ADGRV1: variants seen among roughly 807,000 people sequenced by gnomAD.
The protein encoded by ADGRV1 is adhesion G protein-coupled receptor V1, also known as G-protein coupled receptor 98.
A neutral mutation model predicts 596.2 loss-of-function variants in ADGRV1; 359 were observed. The ratio of observed to expected loss-of-function variants is 0.60; its 90% confidence interval spans 0.55 to 0.66. The LOEUF (loss-of-function observed/expected upper bound fraction) is 0.66. Among genes scored for constraint, ADGRV1 ranks in the 30% least tolerant of loss-of-function variants. ADGRV1 has a pLI of 0.00. For synonymous variants in ADGRV1, 2,681 were observed against 2,679.2 expected (o/e 1.00, Z -0.02); for missense variants, 7,274 against 7,575.6 (o/e 0.96, Z 1.48).
At chr5:91,014,469 C>T (rs891701446) in intron 85 of ADGRV1, among the ~76,000 whole-genome samples, 1 of 151,852 alleles carries the variant, frequency 6.6e-6, no homozygotes, top group African/African-American at 2.4e-5. Flanking sequence ...CTTCTTTGTA[C>T]ATCTGGTAGA....
intron 83 of ADGRV1, among the ~76,000 whole-genome samples, chr5:90,864,274 A>G (rs779713925): frequency 1.3e-5 from 2 of 152,190 alleles, no homozygotes; most frequent in Non-Finnish European, 2.9e-5. Context: ...GTTTCTTATA[A>G]TAGTTTGATA....
intron 87 of ADGRV1, among the ~76,000 whole-genome samples, chr5:91,127,640 A>G (rs1793881016): frequency 6.6e-6 from 1 of 152,196 alleles, no homozygotes; most frequent in South Asian, 2.1e-4. Context: ...AGCTGGATAA[A>G]CAGTCCATAT....
chr5:90,679,821 A>C (rs1163801942), intron 26 of ADGRV1, among the ~76,000 whole-genome samples, 192 bp downstream of exon 26: 1 of 152,160 alleles, frequency 6.6e-6, no homozygotes, highest in Non-Finnish European at 1.5e-5. Context: ...GTAAGGGATC[A>C]AGTCAGAATC....
chr5:91,084,675 T>G (rs555707259), intron 86 of ADGRV1, among the ~76,000 whole-genome samples: 23 of 152,280 alleles, frequency 1.5e-4, no homozygotes, highest in African/African-American at 4.6e-4. Context: ...GTGTGGTGAT[T>G]CCTCAAGGAT....
At chr5:90,615,643 A>G (rs1763271172) in intron 2 of ADGRV1, among the ~76,000 whole-genome samples, 1 of 151,932 alleles carries the variant, frequency 6.6e-6, no homozygotes, top group Admixed American at 6.6e-5. Context: ...GCAAAAATAA[A>G]ATCTTAAGAA....
intron 1 of ADGRV1, among the ~76,000 whole-genome samples, chr5:90,568,831 T>G (rs1323743409): frequency 6.6e-6 from 1 of 152,226 alleles, no homozygotes; most frequent in Non-Finnish European, 1.5e-5. Context: ...GTTACATCTT[T>G]CTGATAAATT....
intron 83 of ADGRV1, among the ~76,000 whole-genome samples, chr5:90,936,801 T>C (rs1213877308): frequency 6.6e-6 from 1 of 152,136 alleles, no homozygotes; most frequent in Non-Finnish European, 1.5e-5. Context: ...TAGAAGTGCA[T>C]TTAAAATTTC....
At chr5:90,863,611 A>C in intron 82 of ADGRV1, 146 bp from the exon 83 acceptor site, 1 of 661,964 alleles carries the variant, frequency 1.5e-6, no homozygotes, top group Admixed American at 2.2e-5. Context: ...AGTAGATTAC[A>C]ATTGCCATGT....
intron 85 of ADGRV1, among the ~76,000 whole-genome samples, chr5:91,053,800 G>A (rs772309153): frequency 6.6e-5 from 10 of 152,192 alleles, no homozygotes; most frequent in Admixed American, 1.3e-4. Flanking sequence ...ACTGCATAGT[G>A]TGAGCCTCTT....
intron 85 of ADGRV1, among the ~76,000 whole-genome samples, chr5:91,011,776 A>G (rs902429933): frequency 6.6e-6 from 1 of 151,946 alleles, no homozygotes; most frequent in African/African-American, 2.4e-5. Flanking sequence ...AAGCAATGCT[A>G]ACAGAAATGG....
At chr5:90,668,341 G>A (rs1314196535) in intron 21 of ADGRV1, among the ~76,000 whole-genome samples, 1 of 152,202 alleles carries the variant, frequency 6.6e-6, no homozygotes, top group Non-Finnish European at 1.5e-5. Flanking sequence ...CGTCGGAAAA[G>A]TGCAGTATTC....
chr5:90,637,265 C>T (rs1766333410), intron 10 of ADGRV1, among the ~76,000 whole-genome samples: 1 of 151,536 alleles, frequency 6.6e-6, no homozygotes, highest in African/African-American at 2.4e-5. Context: ...TTAATTTTAC[C>T]CCCATCACTT....
At chr5:90,959,887 C>T in intron 83 of ADGRV1, among the ~76,000 whole-genome samples, 1 of 152,168 alleles carries the variant, frequency 6.6e-6, no homozygotes, top group Middle Eastern at 3.4e-3. Context: ...CGCCTGTAAT[C>T]CCAGCACTTT....
intron 87 of ADGRV1, among the ~76,000 whole-genome samples, chr5:91,145,437 C>T (rs952905664): frequency 1.3e-5 from 2 of 152,152 alleles, no homozygotes; most frequent in Non-Finnish European, 2.9e-5. Flanking sequence ...ATTTTTAAGG[C>T]TGACAGTTTT....
intron 83 of ADGRV1, among the ~76,000 whole-genome samples, chr5:90,964,453 G>T (rs1180230329): frequency 1.3e-5 from 2 of 152,016 alleles, no homozygotes; most frequent in African/African-American, 4.8e-5. Flanking sequence ...TATTCATTGA[G>T]AATTTACAGC....
At position 90,643,019 on chromosome 5, in the gene ADGRV1, C is replaced by T. The variant is rs760930360; in HGVS notation, c.2531C>T (p.Ala844Val). ...GEREIVITLL[A>V]RLDGIPELDE... ...AGGGAGATAGTGATCACCTTGCTAGCAAGATTGGATGGGATACCAGAGGTA... is the reference window on the plus strand; with the variant it reads ...AGGGAGATAGTGATCACCTTGCTAGTAAGATTGGATGGGATACCAGAGGTA... The change falls in exon 13 of 90, where the codon GCA becomes GTA. Residue 844 changes from alanine (A) to valine (V), a missense_variant. By Grantham distance (64) the Ala-to-Val change is moderately conservative. This residue lies in a region of ADGRV1 where 1,715 missense variants were observed against 1,708.8 expected (regional missense o/e 1.00). Transcript: ENST00000405460. 6 of 1,613,058 alleles carry T rather than the reference C, an allele frequency of 3.7e-6. No homozygotes were observed. The highest frequency in any genetic ancestry group is 5.1e-6 in the Non-Finnish European group (6 of 1,179,304).
intron 85 of ADGRV1, among the ~76,000 whole-genome samples, chr5:91,047,886 C>T (rs1367956469): frequency 6.6e-6 from 1 of 152,130 alleles, no homozygotes; most frequent in African/African-American, 2.4e-5. Context: ...AATAGAAAGC[C>T]TTGTGATTAC....
At chr5:90,787,910 A>T (rs1364023800) in intron 67 of ADGRV1, among the ~76,000 whole-genome samples, 161 bp from the exon 68 acceptor site, 2 of 152,056 alleles carry the variant, frequency 1.3e-5, no homozygotes, top group African/African-American at 4.8e-5. Context: ...ATTATTTTTA[A>T]CAAAAAAAAA....
intron 39 of ADGRV1, among the ~76,000 whole-genome samples, chr5:90,710,014 T>C (rs1749127320): frequency 6.6e-6 from 1 of 152,230 alleles, no homozygotes; most frequent in South Asian, 2.1e-4. Flanking sequence ...AGCTGGAGAC[T>C]GGTAGAGCTG....
Sources: gnomAD v4.1 joint callset for allele counts (sites outside exome capture counted in the v4.1 genomes callset) on GRCh38, gnomAD v4.1.1 for gene constraint, gnomAD v4.1.1 regional missense constraint, MANE v1.5 for transcripts, NCBI Gene and HGNC (gene_info 2026-07-23, HGNC 2026-07-21) for gene names.